Variants in TBC1D22A observed in about 807,000 individuals in gnomAD.
TBC1D22A encodes the protein TBC1 domain family member 22A.
TBC1D22A carries 38 observed loss-of-function variants against 60.2 expected under a neutral mutation model. The observed-to-expected ratio is 0.63, with a 90% confidence interval of 0.49 to 0.83. The LOEUF is 0.83. Ranked by LOEUF, TBC1D22A falls within the 40% of genes least tolerant of loss-of-function variation. The probability of loss-of-function intolerance (pLI) is 0.00; values close to 1 mark genes in which losing one functional copy is unlikely to be tolerated. For missense variants in TBC1D22A, 628 were observed against 701.0 expected (o/e 0.90, Z 1.18); for synonymous variants, 302 against 281.7 (o/e 1.07, Z -0.72).
At chr22:47,085,181 G>C (rs1310519768) in intron 11 of TBC1D22A, among the ~76,000 whole-genome samples, 1 of 152,132 alleles carries the variant, frequency 6.6e-6, no homozygotes, top group East Asian at 1.9e-4. Flanking sequence ...CACAGAGGCT[G>C]AGGCATGAGA....
chr22:46,888,737 T>C (rs1388549683), intron 5 of TBC1D22A, among the ~76,000 whole-genome samples: 3 of 152,232 alleles, frequency 2.0e-5, no homozygotes. Flanking sequence ...AGACAGAGCC[T>C]TGCTCTGTTG....
chr22:46,780,219 A>C (rs1340743591), intron 1 of TBC1D22A, among the ~76,000 whole-genome samples: 2 of 152,228 alleles, frequency 1.3e-5, no homozygotes, highest in Non-Finnish European at 2.9e-5. Flanking sequence ...TGCTTGGAGA[A>C]GAGAGGTTGA....
At chr22:46,984,001 T>C (rs887155043) in intron 9 of TBC1D22A, among the ~76,000 whole-genome samples, 1 of 152,074 alleles carries the variant, frequency 6.6e-6, no homozygotes, top group Non-Finnish European at 1.5e-5. Flanking sequence ...TTCTGGGCAG[T>C]GGAAGCTGCT....
At chr22:46,775,559 T>C (rs801628) in intron 1 of TBC1D22A, among the ~76,000 whole-genome samples, 25,458 of 152,150 alleles carry the variant, frequency 0.17, 3,082 homozygotes, top group African/African-American at 0.34. Flanking sequence ...GTGATTCCTG[T>C]GCGGCCACAG....
intron 11 of TBC1D22A, among the ~76,000 whole-genome samples, chr22:47,052,672 G>T (rs550321594): frequency 6.6e-6 from 1 of 152,222 alleles, no homozygotes; most frequent in Non-Finnish European, 1.5e-5. Context: ...AGCGGCTGGA[G>T]GCTCTGCCTG....
chr22:47,081,876 G>A (rs73170430), intron 11 of TBC1D22A, among the ~76,000 whole-genome samples: 10,903 of 152,242 alleles, frequency 0.072, 429 homozygotes, highest in Admixed American at 0.14. Context: ...ATTAATTGAC[G>A]GCCAGGCATG....
At position 47,162,623 on chromosome 22, in the gene TBC1D22A, GTGGA is replaced by G. The variant is rs1435416648; in HGVS notation, c.1426-10874_1426-10871del. Among the ~76,000 whole-genome samples the G allele has an allele frequency of 5.5e-3, 292 of 52,764 alleles. 18 individuals are homozygous for G. The highest frequency in any genetic ancestry group is 0.016 in the African/African-American group (280 of 17,364). The allele number at this position is 52,764 out of a possible 152,430, so 34.6% of individuals were successfully genotyped here. A position where few individuals can be genotyped will look rare whatever the true frequency, so the allele number is the denominator to read the frequency against. On this transcript the variant is annotated intron_variant, in intron 12 of 12. Transcript: ENST00000337137. ...CAGGCAGAGTCAGAGGAGTGGGACT[GTGGA>G]CCCGGTGCAGGGAGAGTCGTGGGAA...
intron 11 of TBC1D22A, among the ~76,000 whole-genome samples, chr22:47,069,064 A>G (rs2063870947): frequency 6.6e-6 from 1 of 152,180 alleles, no homozygotes; most frequent in South Asian, 2.1e-4. Flanking sequence ...GCTGTTTTTC[A>G]ACCCACAATG....
At chr22:47,069,380 G>T (rs1044471514) in intron 11 of TBC1D22A, among the ~76,000 whole-genome samples, 26 of 152,320 alleles carry the variant, frequency 1.7e-4, no homozygotes, top group African/African-American at 5.8e-4. Context: ...CAGACTGAGT[G>T]CTGGCTCCAT....
intron 8 of TBC1D22A, among the ~76,000 whole-genome samples, chr22:46,948,305 C>G (rs2072678027): frequency 6.6e-6 from 1 of 152,182 alleles, no homozygotes; most frequent in Admixed American, 6.5e-5. Context: ...TACGCCAGAG[C>G]AAGACTTTGT....
At chr22:46,773,424 G>C (rs1035475514) in intron 1 of TBC1D22A, among the ~76,000 whole-genome samples, 2 of 152,200 alleles carry the variant, frequency 1.3e-5, no homozygotes, top group Admixed American at 6.5e-5. Flanking sequence ...CACACCTCAC[G>C]CTAGGGATTG....
chr22:47,138,930 G>A lies in TBC1D22A; in HGVS notation c.1425+27327G>A, dbSNP rs1307402457. On this transcript the variant is annotated intron_variant, in intron 12 of 12. Coordinates refer to ENST00000337137, the MANE Select transcript of TBC1D22A (RefSeq NM_014346.5). ...TGGCCAATCACTTCCCAAAGACCCCGCTTCCTAATACTACCACCTTGGCGT... is the reference window on the plus strand; with the variant it reads ...TGGCCAATCACTTCCCAAAGACCCCACTTCCTAATACTACCACCTTGGCGT... Among the ~76,000 whole-genome samples, 4 of 152,266 alleles carry A rather than the reference G, an allele frequency of 2.6e-5. No homozygotes were observed. The East Asian group carries it at 7.7e-4, about 29-fold the overall frequency.
chr22:46,820,665 A>C (rs1490337727), intron 4 of TBC1D22A, among the ~76,000 whole-genome samples: 2 of 152,234 alleles, frequency 1.3e-5, no homozygotes, highest in Non-Finnish European at 2.9e-5. Context: ...GGTCGATTTT[A>C]GAATAAGCGC....
chr22:46,891,170 T>G lies in TBC1D22A; in HGVS notation c.709-96T>G, dbSNP rs956327625. The G allele has an allele frequency of 4.5e-6, 6 of 1,347,318 alleles. No homozygotes were observed. The African/African-American group carries it at 7.7e-5, about 17-fold the overall frequency. 83.5% of individuals were successfully genotyped at this position (1,347,318 alleles called of 1,614,324 possible). A position where few individuals can be genotyped will look rare whatever the true frequency, so the allele number is the denominator to read the frequency against. On this transcript the variant is annotated intron_variant, in intron 5 of 12. Coordinates refer to ENST00000337137, the MANE Select transcript of TBC1D22A (RefSeq NM_014346.5). ...TGTGTCAGATTTCAGAATGCCAAGC[T>G]TAGGTATGATGCAAGTCTTTTTATT... is the stretch of plus-strand genomic sequence containing the variant.
intron 12 of TBC1D22A, among the ~76,000 whole-genome samples, chr22:47,140,964 T>C (rs1232105587): frequency 6.6e-6 from 1 of 152,244 alleles, no homozygotes; most frequent in East Asian, 1.9e-4. Context: ...TTAGCATGTA[T>C]GTTAGTCCAT....
At chr22:47,073,426 A>G (rs1354557118) in intron 11 of TBC1D22A, among the ~76,000 whole-genome samples, 4 of 152,192 alleles carry the variant, frequency 2.6e-5, no homozygotes, top group African/African-American at 9.7e-5. Flanking sequence ...CCCACAATTG[A>G]TATCAGAAGG....
intron 4 of TBC1D22A, among the ~76,000 whole-genome samples, chr22:46,865,828 A>C (rs2067026600): frequency 6.6e-6 from 1 of 152,218 alleles, no homozygotes; most frequent in Non-Finnish European, 1.5e-5. Flanking sequence ...AAAATGCCAA[A>C]AAAGACCTGT....
chr22:46,902,003 C>T (rs112977709), intron 7 of TBC1D22A, among the ~76,000 whole-genome samples: 1 of 152,314 alleles, frequency 6.6e-6, no homozygotes, highest in African/African-American at 2.4e-5. Flanking sequence ...TTTAGTTATG[C>T]AAAATCTCTG....
chr22:46,894,930 A>C, intron 7 of TBC1D22A, 84 bp downstream of exon 7: 1 of 1,501,346 alleles, frequency 6.7e-7, no homozygotes, highest in Non-Finnish European at 9.3e-7. Flanking sequence ...GCGCAGCCGG[A>C]GGTGCTTCAC....
Sources: gnomAD v4.1 joint callset for allele counts (sites outside exome capture counted in the v4.1 genomes callset) on GRCh38, gnomAD v4.1.1 for gene constraint, MANE v1.5 for transcripts, NCBI Gene and HGNC (gene_info 2026-07-23, HGNC 2026-07-21) for gene names.